The following GINS1 variants were observed in gnomAD, a reference collection of about 807,000 sequenced individuals.
GINS1 encodes the protein GINS complex subunit 1.
Under a neutral mutation model 34.9 loss-of-function variants are expected in GINS1, and 26 were observed. The ratio of observed to expected loss-of-function variants is 0.74; its 90% CI spans 0.55 to 1.03. GINS1 has a LOEUF of 1.03. Ranked by LOEUF, GINS1 falls within the 50% of genes least tolerant of loss-of-function variation. The probability of loss-of-function intolerance (pLI) is 0.00; values close to 1 mark genes in which losing one functional copy is unlikely to be tolerated. For missense variants in GINS1, 235 were observed against 237.9 expected (o/e 0.99, Z 0.08); for synonymous variants, 97 against 84.4 (o/e 1.15, Z -0.82).
intron 5 of GINS1, among the ~76,000 whole-genome samples, chr20:25,434,787 A>G (rs1381674278): frequency 6.6e-6 from 1 of 152,190 alleles, no homozygotes; most frequent in Non-Finnish European, 1.5e-5. Flanking sequence ...GTCCAAGATC[A>G]AAGTGCCAGC....
intron 1 of GINS1, among the ~76,000 whole-genome samples, chr20:25,408,178 T>G (rs1375274693): frequency 6.6e-6 from 1 of 152,250 alleles, no homozygotes; most frequent in Non-Finnish European, 1.5e-5. Flanking sequence ...GCCTGATAAT[T>G]TAGCATTTCT....
intron 4 of GINS1, among the ~76,000 whole-genome samples, chr20:25,418,918 T>C (rs1017691789): frequency 6.6e-6 from 1 of 152,224 alleles, no homozygotes; most frequent in African/African-American, 2.4e-5. Flanking sequence ...TTTAATCACA[T>C]GGTTGGTCTT....
chr20:25,408,838 A>G, intron 1 of GINS1: 1 of 826,216 alleles, frequency 1.2e-6, no homozygotes, highest in South Asian at 5.5e-5. Flanking sequence ...CTGGCTCCAG[A>G]GCCTGCACTC....
At chr20:25,407,949 G>C (rs137907394) in intron 1 of GINS1, 54 bp downstream of exon 1, 2 of 1,318,710 alleles carry the variant, frequency 1.5e-6, no homozygotes, top group Non-Finnish European at 2.2e-6. Flanking sequence ...CCTGGGCTCT[G>C]GGGCGGGGCG....
chr20:25,416,835 A>G (rs965813800), intron 2 of GINS1, among the ~76,000 whole-genome samples: 3 of 152,254 alleles, frequency 2.0e-5, no homozygotes, highest in East Asian at 1.9e-4. Flanking sequence ...TTTAGAAAGA[A>G]TAGAGATTAA....
chr20:25,413,558 C>T (rs1220410698), intron 1 of GINS1: 1 of 472,604 alleles, frequency 2.1e-6, no homozygotes, highest in Non-Finnish European at 3.8e-6. Context: ...GAGGAACTGT[C>T]AAGTTTTTGC....
chr20:25,438,088 C>T (rs1031895645), intron 5 of GINS1, among the ~76,000 whole-genome samples: 3 of 145,568 alleles, frequency 2.1e-5, no homozygotes, highest in African/African-American at 5.1e-5. Context: ...CATTGCACTC[C>T]AGCCTGGGCA....
chr20:25,425,784 A>G (rs1320487174), intron 5 of GINS1, among the ~76,000 whole-genome samples: 15 of 152,230 alleles, frequency 9.9e-5, no homozygotes, highest in Admixed American at 9.8e-4. Context: ...GGATTAGTCA[A>G]AACAAGAGGT....
At chr20:25,426,389 C>T (rs1395316141) in intron 5 of GINS1, among the ~76,000 whole-genome samples, 1 of 151,798 alleles carries the variant, frequency 6.6e-6, no homozygotes, top group Non-Finnish European at 1.5e-5. Context: ...CATGGAGAAA[C>T]CCCGTCTCTA....
chr20:25,428,432 CTCTG>C (rs1568804925), intron 5 of GINS1, among the ~76,000 whole-genome samples: 1 of 102,574 alleles, frequency 9.7e-6, no homozygotes, highest in African/African-American at 3.9e-5. Flanking sequence ...GAGACAGAGT[CTCTG>C]TCTGTCGCCC....
At chr20:25,443,901 A>G (rs1035478944) in intron 6 of GINS1, among the ~76,000 whole-genome samples, 5 of 152,100 alleles carry the variant, frequency 3.3e-5, no homozygotes, top group African/African-American at 9.7e-5. Context: ...GGGGCTTCTA[A>G]TGTTCAACCA....
At chr20:25,432,334 G>A (rs1445383752) in intron 5 of GINS1, among the ~76,000 whole-genome samples, 3 of 148,696 alleles carry the variant, frequency 2.0e-5, no homozygotes, top group Admixed American at 2.0e-4. Flanking sequence ...TTTTTGAGAC[G>A]GAGTCTCACT....
chr20:25,428,981 T>C (rs1373076822), intron 5 of GINS1, among the ~76,000 whole-genome samples: 59 of 4,746 alleles, frequency 0.012, no homozygotes, highest in African/African-American at 0.03. Flanking sequence ...TTTTTTTTTT[T>C]TTTTTTTTTT....
At chr20:25,428,913 A>G (rs1423685999) in intron 5 of GINS1, among the ~76,000 whole-genome samples, 1 of 148,978 alleles carries the variant, frequency 6.7e-6, no homozygotes, top group Non-Finnish European at 1.5e-5. Context: ...CGATTGTTGT[A>G]GCTTTGCAGT....
At chr20:25,421,475 A>G (rs1474543817) in intron 4 of GINS1, among the ~76,000 whole-genome samples, 1 of 152,244 alleles carries the variant, frequency 6.6e-6, no homozygotes, top group Admixed American at 6.5e-5. Context: ...AAGTAGTAAC[A>G]TCTTTTGTTT....
chr20:25,413,316 TG>T (rs1806365181), intron 1 of GINS1: 1 of 152,418 alleles, frequency 6.6e-6, no homozygotes, highest in Non-Finnish European at 1.5e-5. Context: ...TCCAAAGCGC[TG>T]GGATTACAGG....
intron 5 of GINS1, among the ~76,000 whole-genome samples, chr20:25,440,800 G>A (rs1344517880): frequency 9.0e-6 from 1 of 111,014 alleles, no homozygotes; most frequent in East Asian, 2.7e-4. Context: ...AACAGAGCAA[G>A]ACTCTGTCTC....
chr20:25,448,326 A>G lies in GINS1; in HGVS notation c.*2335A>G, dbSNP rs2090524142. 1 of 152,166 alleles carries G rather than the reference A, an allele frequency of 6.6e-6. No individual in the cohort carries two copies. The highest frequency in any genetic ancestry group is 6.5e-5 in the Admixed American group (1 of 15,280). 9.4% of individuals were successfully genotyped at this position (152,166 alleles called of 1,614,324 possible). ...AATGTTTTGTCTTCTATTTCTCTTAATAATCTTTTGTAGTTTTCAGTGTAC... is the reference window on the plus strand; with the variant it reads ...AATGTTTTGTCTTCTATTTCTCTTAGTAATCTTTTGTAGTTTTCAGTGTAC... On this transcript the variant is annotated 3_prime_UTR_variant, in exon 7 of 7. Transcript: ENST00000262460.
intron 1 of GINS1, chr20:25,410,981 T>C (rs901481214): frequency 6.6e-6 from 1 of 152,152 alleles, no homozygotes; most frequent in African/African-American, 2.4e-5. Context: ...AGTACATTTT[T>C]AAGAAAGTTA....
Sources: gnomAD v4.1 joint callset for allele counts (sites outside exome capture counted in the v4.1 genomes callset) on GRCh38, gnomAD v4.1.1 for gene constraint, MANE v1.5 for transcripts, NCBI Gene and HGNC (gene_info 2026-07-23, HGNC 2026-07-21) for gene names.